Variants in LAMA1 observed in about 807,000 individuals in gnomAD.
The protein encoded by LAMA1 is laminin subunit alpha 1.
LAMA1 carries 219 observed loss-of-function variants against 348.7 expected under a neutral mutation model. The observed-to-expected ratio is 0.63, with a 90% confidence interval of 0.56 to 0.70. The LOEUF (loss-of-function observed/expected upper bound fraction) is 0.70, where lower values mean the gene tolerates loss of function less well. Among genes scored for constraint, LAMA1 ranks in the 30% least tolerant of loss-of-function variants. The pLI, the probability that LAMA1 is intolerant of heterozygous loss-of-function variation, is 0.00. For synonymous variants in LAMA1, 1,487 were observed against 1,491.0 expected (o/e 1.00, Z 0.06); for missense variants, 3,744 against 3,888.0 (o/e 0.96, Z 0.99).
chr18:7,110,217 C>A (rs2058330532), intron 1 of LAMA1, among the ~76,000 whole-genome samples: 1 of 149,446 alleles, frequency 6.7e-6, no homozygotes, highest in Non-Finnish European at 1.5e-5. Flanking sequence ...CGGCTAGTTA[C>A]ACTATAGCAG....
chr18:7,103,493 T>C (rs1253348547), intron 1 of LAMA1, among the ~76,000 whole-genome samples: 3 of 151,926 alleles, frequency 2.0e-5, no homozygotes, highest in Non-Finnish European at 4.4e-5. Flanking sequence ...TTACCTGGAT[T>C]CTTCCTTGTT....
At chr18:6,943,457 G>A (rs539823037) in intron 61 of LAMA1, 55 bp from the exon 62 acceptor site, 251 of 1,387,320 alleles carry the variant, frequency 1.8e-4, no homozygotes, top group Non-Finnish European at 2.3e-4. Context: ...CAGTCCATTT[G>A]TATAAGCTCT....
At chr18:7,117,131 C>T (rs1568076110) in intron 1 of LAMA1, among the ~76,000 whole-genome samples, 1 of 152,218 alleles carries the variant, frequency 6.6e-6, no homozygotes, top group Non-Finnish European at 1.5e-5. Flanking sequence ...CCCCACTAGC[C>T]CGCTTGGCTG....
chr18:7,093,023 G>C (rs1028098322), intron 1 of LAMA1, among the ~76,000 whole-genome samples: 1 of 152,186 alleles, frequency 6.6e-6, no homozygotes, highest in African/African-American at 2.4e-5. Context: ...GCAACATAAA[G>C]TATACCGAAT....
At chr18:7,098,453 T>G (rs1423728562) in intron 1 of LAMA1, among the ~76,000 whole-genome samples, 2 of 150,740 alleles carry the variant, frequency 1.3e-5, no homozygotes, top group African/African-American at 4.9e-5. Flanking sequence ...GGAGCGTCCC[T>G]GCCCGGCCGC....
At position 7,037,654 on chromosome 18, in the gene LAMA1, A is replaced by C; in HGVS notation, c.1661T>G (p.Ile554Ser). Residue 554 changes from isoleucine to serine, a missense_variant, in exon 12 of 63, where the codon ATC (isoleucine) becomes AGC (serine). Around this residue, in one of 3 missense-constraint regions of LAMA1, gnomAD observed 1,529 missense variants for 1,689.4 expected, o/e 0.91. Coordinates refer to ENST00000389658, the MANE Select transcript of LAMA1 (RefSeq NM_005559.4). ...TCTCTGCATGACCGCGGTGTTGTTG[A>C]TGCTGACCTGATGGCGCCCGCCTAG... ...DALGGRHQVS[I>S]NNTAVMQRLA... 6.2e-7 allele frequency: 1 copy of C among 1,614,116 alleles called. No homozygotes were observed. The highest frequency in any genetic ancestry group is 1.1e-5 in the South Asian group (1 of 91,086).
At chr18:7,048,242 A>C (rs2058049517) in intron 5 of LAMA1, among the ~76,000 whole-genome samples, 1 of 152,188 alleles carries the variant, frequency 6.6e-6, no homozygotes, top group Non-Finnish European at 1.5e-5. Context: ...TAGTAAGCAC[A>C]TTGTCAACAT....
chr18:7,012,172 C>T lies in LAMA1; in HGVS notation c.3364-34G>A, dbSNP rs372021600. ...GAGCAAATAAAGGACTCGTTTTTGC[C>T]TAAAAAAGAGATGTGATTTCTGAAC... On this transcript the variant is annotated intron_variant, in intron 23 of 62. Transcript: ENST00000389658. 57 of 1,609,784 alleles carry T rather than the reference C, an allele frequency of 3.5e-5. No homozygotes were observed. The African/African-American group carries it at 7.5e-4, about 21-fold the overall frequency.
At chr18:7,080,686 ATTGAC>A (rs1012620187) in intron 1 of LAMA1, among the ~76,000 whole-genome samples, 16 of 152,292 alleles carry the variant, frequency 1.1e-4, no homozygotes, top group African/African-American at 3.8e-4. Context: ...GGGGGTGGGG[ATTGAC>A]TATGAAACGA....
intron 44 of LAMA1, 130 bp downstream of exon 44, chr18:6,977,597 G>C (rs573019230): frequency 1.3e-5 from 13 of 1,023,124 alleles, no homozygotes; most frequent in Non-Finnish European, 1.7e-5. Flanking sequence ...AGGAAGCCCA[G>C]ATTATTGGGA....
At chr18:7,043,659 C>T (rs559131150) in intron 7 of LAMA1, among the ~76,000 whole-genome samples, 1 of 152,266 alleles carries the variant, frequency 6.6e-6, no homozygotes, top group African/African-American at 2.4e-5. Context: ...TACTTGCCCA[C>T]TTGAGAAGGA....
At chr18:7,087,416 T>G (rs139814255) in intron 1 of LAMA1, among the ~76,000 whole-genome samples, 1 of 152,228 alleles carries the variant, frequency 6.6e-6, no homozygotes, top group Non-Finnish European at 1.5e-5. Context: ...CCACGCCATC[T>G]TGGCTCAGGA....
At chr18:6,988,310 A>G (rs1243692919) in intron 36 of LAMA1, among the ~76,000 whole-genome samples, 1 of 152,320 alleles carries the variant, frequency 6.6e-6, no homozygotes, top group East Asian at 1.9e-4. Flanking sequence ...TTCTCAAACT[A>G]TGTTCCTCTA....
At chr18:6,983,386 G>A in intron 39 of LAMA1, 152 bp from the exon 40 acceptor site, 1 of 803,558 alleles carries the variant, frequency 1.2e-6, no homozygotes, top group South Asian at 1.5e-5. Flanking sequence ...CAACCTATGG[G>A]TTCCCATGTA....
In LAMA1 at chr18:7,025,730, A is replaced by C. The variant is rs184616077; in HGVS notation, c.2402+249T>G. Among the ~76,000 whole-genome samples the C allele has an allele frequency of 1.9e-3, 296 of 152,354 alleles. 4 individuals are homozygous for C. Among genetic ancestry groups the C allele is most frequent in the Non-Finnish European group, 1.3e-3 (88 of 68,036 alleles). ...ACTTGTGAAACAACTGATGACCAAG[A>C]GGAATCAAGAGGGAAAACGGCGTGT... On this transcript the variant is annotated intron_variant, in intron 17 of 62. Coordinates refer to ENST00000389658, the MANE Select transcript of LAMA1 (RefSeq NM_005559.4).
At chr18:7,111,217 TA>T (rs1328466636) in intron 1 of LAMA1, among the ~76,000 whole-genome samples, 5 of 150,088 alleles carry the variant, frequency 3.3e-5, no homozygotes, top group South Asian at 2.1e-4. Flanking sequence ...AATGGTTGAT[TA>T]AAAAAAAAAT....
chr18:7,116,948 C>A (rs2058359103), intron 1 of LAMA1, among the ~76,000 whole-genome samples: 2 of 152,206 alleles, frequency 1.3e-5, no homozygotes, highest in South Asian at 4.1e-4. Flanking sequence ...CTCCGCTGGT[C>A]CCTCGCCCCG....
In LAMA1 at chr18:7,016,559, C is replaced by G; in HGVS notation, c.2921G>C (p.Gly974Ala). The change falls in exon 21 of 63, where the codon GGT (glycine) becomes GCT (alanine). Residue 974 changes from glycine to alanine, a missense_variant. Transcript: ENST00000389658. ...TDEGQCHCVP[G>A]VAGKRCDRCA... The stretch of plus-strand genomic sequence containing the variant: ...CCTGTCACACCTTTTCCCTGCCACA[C>G]CTGGGACACAGTGACACTGGCCTTC... 6.2e-7 allele frequency: 1 copy of G among 1,614,196 alleles called. No individual in the cohort carries two copies. Among genetic ancestry groups the G allele is most frequent in the South Asian group, 1.1e-5 (1 of 91,080 alleles).
rs1277066775 is a variant in LAMA1 at position 6,975,932 on chromosome 18, C to A, written c.6489+5G>T. On this transcript the variant is annotated splice_donor_5th_base_variant and intron_variant, in intron 45 of 62. Transcript: ENST00000389658. ...AGTGTCGCTTTCCAAAGGTCCATAACTTACAGCGGTGCTGCTACCGAGGTA... is the reference window on the plus strand; with the variant it reads ...AGTGTCGCTTTCCAAAGGTCCATAAATTACAGCGGTGCTGCTACCGAGGTA... 6.2e-7 allele frequency: 1 copy of A among 1,613,892 alleles called. No individual in the cohort carries two copies. Among genetic ancestry groups the A allele is most frequent in the Non-Finnish European group, 8.5e-7 (1 of 1,179,998 alleles).
Sources: gnomAD v4.1 joint callset for allele counts (sites outside exome capture counted in the v4.1 genomes callset) on GRCh38, gnomAD v4.1.1 for gene constraint, gnomAD v4.1.1 regional missense constraint, MANE v1.5 for transcripts, NCBI Gene and HGNC (gene_info 2026-07-23, HGNC 2026-07-21) for gene names.